The following RBFOX1 variants were observed in gnomAD, a reference collection of about 807,000 sequenced individuals.
RBFOX1 encodes the protein RNA binding fox-1 homolog 1.
RBFOX1 carries 8 observed loss-of-function variants against 57.7 expected under a neutral mutation model. The observed-to-expected ratio is 0.14, with a 90% confidence interval of 0.08 to 0.25. RBFOX1 has a LOEUF of 0.25. Ranked by LOEUF, RBFOX1 falls within the 10% of genes least tolerant of loss-of-function variation. The pLI is 1.00. For missense variants in RBFOX1, 611 were observed against 548.5 expected, an observed-to-expected ratio of 1.11 and a Z score of -1.14; for synonymous variants, 326 against 222.4, an observed-to-expected ratio of 1.47 and a Z score of -4.15.
intron 2 of RBFOX1, among the ~76,000 whole-genome samples, chr16:6,553,961 C>T (rs754545409): frequency 6.6e-6 from 1 of 152,038 alleles, no homozygotes; most frequent in Non-Finnish European, 1.5e-5. Context: ...AGGGCAGGTA[C>T]CAGGGTTTAT....
chr16:7,034,376 G>T (rs543184423), intron 3 of RBFOX1, among the ~76,000 whole-genome samples: 1 of 152,130 alleles, frequency 6.6e-6, no homozygotes, highest in Non-Finnish European at 1.5e-5. Context: ...AGGAGAGGGG[G>T]CTGAGGTTGG....
At chr16:5,601,438 C>A (rs2047360742), downstream of RBFOX1, 1 of 152,236 alleles carries the variant, frequency 6.6e-6, no homozygotes, top group South Asian at 2.1e-4. Flanking sequence ...TCCTGTGTAT[C>A]CCTTAGATGA....
At chr16:6,937,113 A>AAAT (rs2077501967) in intron 3 of RBFOX1, among the ~76,000 whole-genome samples, 1 of 152,192 alleles carries the variant, frequency 6.6e-6, no homozygotes, top group South Asian at 2.1e-4. Context: ...TAAATAAAAA[A>AAAT]AGATCCATCA....
chr16:6,187,112 C>G (rs1180856531), intron 1 of RBFOX1, among the ~76,000 whole-genome samples: 2 of 152,140 alleles, frequency 1.3e-5, no homozygotes, highest in African/African-American at 2.4e-5. Flanking sequence ...CAGAGAGACA[C>G]TTTTATCGTA....
At chr16:6,731,293 C>T (rs115404690) in intron 3 of RBFOX1, among the ~76,000 whole-genome samples, 114 of 152,244 alleles carry the variant, frequency 7.5e-4, no homozygotes, top group African/African-American at 2.5e-3. Flanking sequence ...CTAAAAAGGA[C>T]ACAAAAATAT....
chr16:6,333,160 C>T (rs2083245467), intron 2 of RBFOX1, among the ~76,000 whole-genome samples: 1 of 152,150 alleles, frequency 6.6e-6, no homozygotes, highest in Non-Finnish European at 1.5e-5. Flanking sequence ...CTGACTCAGC[C>T]TCCCGAGTAG....
intron 4 of RBFOX1, among the ~76,000 whole-genome samples, chr16:7,072,851 G>A (rs2057600166): frequency 6.6e-6 from 1 of 152,202 alleles, no homozygotes; most frequent in South Asian, 2.1e-4. Flanking sequence ...TTGAACATAA[G>A]TGCTCTGAGA....
intron 3 of RBFOX1, among the ~76,000 whole-genome samples, chr16:5,645,931 G>C (rs2151344536): frequency 6.6e-6 from 1 of 152,166 alleles, no homozygotes; most frequent in East Asian, 1.9e-4. Context: ...AAACTCCTGG[G>C]CTCAAGTGAT....
At chr16:6,567,229 C>T (rs572204256) in intron 2 of RBFOX1, among the ~76,000 whole-genome samples, 48 of 152,152 alleles carry the variant, frequency 3.2e-4, no homozygotes, top group Admixed American at 9.2e-4. Context: ...ATAGCAGCTT[C>T]CTAATCTCCA....
At chr16:6,928,501 G>A (rs551048589) in intron 3 of RBFOX1, among the ~76,000 whole-genome samples, 8 of 152,234 alleles carry the variant, frequency 5.3e-5, no homozygotes, top group East Asian at 1.9e-4. Flanking sequence ...GCTTTCATGC[G>A]TTAATTATGC....
chr16:7,272,682 G>A lies in RBFOX1; in HGVS notation c.27+220584G>A, dbSNP rs577959122. On this transcript the variant is annotated intron_variant, in intron 4 of 15. Coordinates refer to ENST00000550418, the MANE Select transcript of RBFOX1 (RefSeq NM_018723.4). ...TATCTGAGAAGGGGGAGGGATGGAAGGAGGGAAACAAGGGAGAGGAGAGAG... is the reference window on the plus strand; with the variant it reads ...TATCTGAGAAGGGGGAGGGATGGAAAGAGGGAAACAAGGGAGAGGAGAGAG... Among the ~76,000 whole-genome samples the A allele has an allele frequency of 2.6e-5, 4 of 152,160 alleles. No individual in the cohort carries two copies. The South Asian group carries it at 8.3e-4, about 32-fold the overall frequency.
At chr16:5,554,437 C>G (rs1369551583) in intron 2 of RBFOX1, among the ~76,000 whole-genome samples, 5 of 151,998 alleles carry the variant, frequency 3.3e-5, no homozygotes, top group African/African-American at 1.2e-4. Flanking sequence ...AGAGGTTCTT[C>G]TAAAACATTA....
intron 1 of RBFOX1, among the ~76,000 whole-genome samples, chr16:6,084,366 C>G (rs2096056107): frequency 6.6e-6 from 1 of 152,144 alleles, no homozygotes; most frequent in Non-Finnish European, 1.5e-5. Context: ...ACCTCAGCCT[C>G]CCAGGCAGCT....
intron 1 of RBFOX1, among the ~76,000 whole-genome samples, chr16:5,446,969 T>C (rs566134874): frequency 6.6e-6 from 1 of 152,132 alleles, no homozygotes; most frequent in Non-Finnish European, 1.5e-5. Context: ...AGTCATCTTG[T>C]GAGGAGTCAA....
chr16:6,575,721 G>C (rs2097423845), intron 2 of RBFOX1, among the ~76,000 whole-genome samples: 1 of 152,046 alleles, frequency 6.6e-6, no homozygotes, highest in South Asian at 2.1e-4. Context: ...AACTGGTGTG[G>C]TAGCAGACGC....
Position 5,669,563 on chromosome 16 carries a change from G to A in RBFOX1, c.318+70602G>A, listed in dbSNP as rs151131971. Among the ~76,000 whole-genome samples the A allele has an allele frequency of 3.0e-3, 459 of 152,088 alleles. 2 individuals carry two copies. The highest frequency in any genetic ancestry group is 0.011 in the African/African-American group (445 of 41,458). On this transcript the variant is annotated intron_variant, in intron 3 of 19. Coordinates refer to the RBFOX1 transcript ENST00000641259. ...GCCTGCCAAGTAGCCGGGATTGCAG[G>A]CATGCACCACCATGGCTAGCTAATT...
intron 4 of RBFOX1, among the ~76,000 whole-genome samples, chr16:7,366,567 C>T (rs1171606541): frequency 6.6e-5 from 10 of 152,062 alleles, no homozygotes; most frequent in Admixed American, 5.2e-4. Context: ...CTGCCTTAGT[C>T]GGCTTGTGTC....
intron 2 of RBFOX1, among the ~76,000 whole-genome samples, chr16:5,587,133 A>G (rs923545722): frequency 6.6e-6 from 1 of 152,326 alleles, no homozygotes; most frequent in South Asian, 2.1e-4. Flanking sequence ...ATGCTTTAGG[A>G]TAAGACACTG....
At chr16:5,354,447 C>T (rs1452371118) in intron 1 of RBFOX1, among the ~76,000 whole-genome samples, 1 of 152,206 alleles carries the variant, frequency 6.6e-6, no homozygotes, top group Non-Finnish European at 1.5e-5. Flanking sequence ...TTGCCAAGCC[C>T]CGGTTTTCTT....
Sources: allele counts gnomAD v4.1 joint callset (sites outside exome capture counted in the v4.1 genomes callset), GRCh38; gene constraint gnomAD v4.1.1; transcripts MANE v1.5; gene names NCBI Gene and HGNC (gene_info 2026-07-23, HGNC 2026-07-21).